The following SFMBT2 variants were observed in gnomAD, a reference collection of about 807,000 sequenced individuals.
The protein encoded by SFMBT2 is scm-like with four MBT domains protein 2.
Under a neutral mutation model 110.1 loss-of-function variants are expected in SFMBT2, and 38 were observed. That is an observed-to-expected ratio of 0.35 (90% CI 0.27 to 0.45). The LOEUF (loss-of-function observed/expected upper bound fraction) is 0.45. Ranked by LOEUF, SFMBT2 falls within the 20% of genes least tolerant of loss-of-function variation. The probability of loss-of-function intolerance (pLI) is 1.00; values close to 1 mark genes in which losing one functional copy is unlikely to be tolerated. For synonymous variants in SFMBT2, 425 were observed against 425.4 expected (o/e 1.00, Z 0.01); for missense variants, 1,011 against 1,094.9 (o/e 0.92, Z 1.08).
At position 7,220,433 on chromosome 10, in the gene SFMBT2, C is replaced by T. The variant is rs1839689567; in HGVS notation, c.1308G>A (p.Arg436=). 9 of 1,613,866 alleles carry T rather than the reference C, an allele frequency of 5.6e-6. No homozygotes were observed. The highest frequency in any genetic ancestry group is 7.6e-6 in the Non-Finnish European group (9 of 1,179,780). The change falls in exon 11 of 21, where the codon CGG becomes CGA. Residue 436 remains arginine (R), a synonymous_variant. Coordinates refer to ENST00000397167, the MANE Select transcript of SFMBT2 (RefSeq NM_001387889.1). ...CVASVVSVKG[R]LMWLHLEGLQ... The stretch of plus-strand genomic sequence containing the variant: ...TACCTTCCAGGTGAAGCCACATTAG[C>T]CGCCCCTTCACACTCACAACGGAGG...
intron 4 of SFMBT2, among the ~76,000 whole-genome samples, chr10:7,288,335 A>T (rs1842162988): frequency 6.6e-6 from 1 of 152,254 alleles, no homozygotes; most frequent in Non-Finnish European, 1.5e-5. Flanking sequence ...CACCCCGCTT[A>T]TAATAAAGAA....
At chr10:7,196,723 C>T (rs1239796341) in intron 15 of SFMBT2, among the ~76,000 whole-genome samples, 2 of 152,178 alleles carry the variant, frequency 1.3e-5, no homozygotes, top group Admixed American at 6.5e-5. Context: ...CATCATGGTA[C>T]GGTGGCAATA....
chr10:7,306,474 T>A (rs1319183888), intron 4 of SFMBT2, among the ~76,000 whole-genome samples: 1 of 152,170 alleles, frequency 6.6e-6, no homozygotes, highest in African/African-American at 2.4e-5. Flanking sequence ...GTGAACTGAG[T>A]AGCGGCAACA....
At chr10:7,363,436 C>T (rs1163949838) in intron 4 of SFMBT2, among the ~76,000 whole-genome samples, 4 of 152,012 alleles carry the variant, frequency 2.6e-5, no homozygotes, top group African/African-American at 9.7e-5. Context: ...GCAACCTTTG[C>T]CTCCTGGGTT....
chr10:7,364,219 A>G (rs1844818923), intron 4 of SFMBT2, among the ~76,000 whole-genome samples: 1 of 152,222 alleles, frequency 6.6e-6, no homozygotes, highest in African/African-American at 2.4e-5. Flanking sequence ...CTGATTACCC[A>G]CTAAATGTTT....
rs983080774 is a variant in SFMBT2 at position 7,172,219 on chromosome 10, C to T, written c.2152-61G>A. The T allele has an allele frequency of 4.9e-5, 73 of 1,503,218 alleles. No individual in the cohort carries two copies. The highest frequency in any genetic ancestry group is 3.9e-4 in the Admixed American group (17 of 43,860). 93.1% of individuals were successfully genotyped at this position (1,503,218 alleles called of 1,614,324 possible). ...GCCCGGGGGCCTGTAGCGGTGGCCCCGCGGTCAGACCCTGGGCCCAGTGCA... is the reference window on the plus strand; with the variant it reads ...GCCCGGGGGCCTGTAGCGGTGGCCCTGCGGTCAGACCCTGGGCCCAGTGCA... On this transcript the variant is annotated intron_variant, in intron 18 of 20. Coordinates refer to ENST00000397167, the MANE Select transcript of SFMBT2 (RefSeq NM_001387889.1). This position sits in a 1 kb window ranked among gnomAD's most constrained non-coding sequence, Gnocchi z 4.6.
intron 2 of SFMBT2, among the ~76,000 whole-genome samples, chr10:7,377,958 T>TG (rs1321986799): frequency 4.2e-5 from 1 of 24,088 alleles, no homozygotes; most frequent in African/African-American, 1.0e-4. Flanking sequence ...CAAAATTTTG[T>TG]GTGGGGGGGG....
At chr10:7,302,960 C>T (rs1842592954) in intron 4 of SFMBT2, among the ~76,000 whole-genome samples, 1 of 151,742 alleles carries the variant, frequency 6.6e-6, no homozygotes, top group African/African-American at 2.4e-5. Flanking sequence ...AAATCAAAAA[C>T]ACTATATCAT....
intron 7 of SFMBT2, among the ~76,000 whole-genome samples, chr10:7,275,955 GC>G (rs1841760495): frequency 6.6e-6 from 1 of 152,242 alleles, no homozygotes; most frequent in African/African-American, 2.4e-5. Context: ...CTGGATGTCT[GC>G]CCGTCACAAC....
In SFMBT2 at chr10:7,318,109, T is replaced by C. The variant is rs549788259; in HGVS notation, c.437-32155A>G. Among the ~76,000 whole-genome samples the C allele has an allele frequency of 1.0e-3, 154 of 152,352 alleles. 1 individual carries two copies. The highest frequency in any genetic ancestry group is 3.6e-3 in the African/African-American group (150 of 41,594). On this transcript the variant is annotated intron_variant, in intron 4 of 20. Transcript: ENST00000397167. ...AAGTGTCCACTGGAGCTGGTACTTG[T>C]AGGTCTGACCATGAAATTCTGGCTA... is the stretch of plus-strand genomic sequence containing the variant.
At chr10:7,288,463 C>T (rs1842166949) in intron 4 of SFMBT2, among the ~76,000 whole-genome samples, 1 of 152,176 alleles carries the variant, frequency 6.6e-6, no homozygotes, top group Non-Finnish European at 1.5e-5. Context: ...ACGCTCAGCA[C>T]GTTGGGAGGC....
Position 7,315,118 on chromosome 10 carries a change from G to GAA in SFMBT2, c.437-29165_437-29164insTT, listed in dbSNP as rs1564435740. 7.5e-4 allele frequency among the ~76,000 whole-genome samples: 105 copies of GAA among 140,702 alleles called. 1 individual carries two copies. The highest frequency in any genetic ancestry group is 2.6e-3 in the African/African-American group (97 of 37,492). The allele number at this position is 140,702 out of a possible 152,430, so 92.3% of individuals were successfully genotyped here. On this transcript the variant is annotated intron_variant, in intron 4 of 20. Transcript: ENST00000397167. ...AAAGAAAGAAAGAAAGAAAAAGCAA[G>GAA]CAAGCAAGCCAGCCAATCCGGCAGC...
Position 7,367,927 on chromosome 10 carries a change from C to T in SFMBT2, c.196-38G>A, listed in dbSNP as rs376486459. ...GAAATAGAGAAAACCCATTACTACACTAGACACAATACATCCAGAAGATGA... is the reference window on the plus strand; with the variant it reads ...GAAATAGAGAAAACCCATTACTACATTAGACACAATACATCCAGAAGATGA... On this transcript the variant is annotated intron_variant, in intron 3 of 20. Transcript: ENST00000397167. This position sits in a 1 kb window ranked among gnomAD's most constrained non-coding sequence, Gnocchi z 6.2. 1 of 1,605,468 alleles carries T rather than the reference C, an allele frequency of 6.2e-7. No individual in the cohort carries two copies. Among genetic ancestry groups the T allele is most frequent in the Non-Finnish European group, 8.5e-7 (1 of 1,174,658 alleles).
intron 11 of SFMBT2, among the ~76,000 whole-genome samples, chr10:7,209,684 A>C (rs986301270): frequency 1.3e-5 from 2 of 152,244 alleles, no homozygotes; most frequent in African/African-American, 4.8e-5. Context: ...ATATATTCAT[A>C]TGTGCATAAA....
Position 7,188,628 on chromosome 10 carries a change from C to A in SFMBT2, c.1804G>T (p.Ala602Ser). 6.2e-7 allele frequency: 1 copy of A among 1,612,562 alleles called. No individual in the cohort carries two copies. The highest frequency in any genetic ancestry group is 1.1e-5 in the South Asian group (1 of 90,824). Residue 602 changes from alanine to serine, a missense_variant, in exon 16 of 21, where the codon GCC (alanine) becomes TCC (serine). Ala to Ser is a moderately conservative substitution (Grantham distance 99). Coordinates refer to ENST00000397167, the MANE Select transcript of SFMBT2 (RefSeq NM_001387889.1). ...HWNFQEETLK[A>S]KYRGKTYRAV... ...TCCAGAATTGAAAACACTTACTTGG[C>A]CTTCAGCGTCTCTTCCTGGAAATTC...
rs766631230 is a variant in SFMBT2 at position 7,186,423 on chromosome 10, T to TACAC, written c.1808+2200_1808+2201insGTGT. On this transcript the variant is annotated intron_variant, in intron 16 of 20. Transcript: ENST00000397167. Reference sequence around the variant, plus strand: ...CATATACACATACATACATACTATATATACACACACACACACACACACACA... The same window carrying TACAC: ...CATATACACATACATACATACTATATACACATACACACACACACACACACACACA... Among the ~76,000 whole-genome samples, 249 of 108,114 alleles carry TACAC rather than the reference T, an allele frequency of 2.3e-3. 3 individuals are homozygous for TACAC. Among genetic ancestry groups the TACAC allele is most frequent in the South Asian group, 8.9e-3 (29 of 3,254 alleles). 70.9% of individuals were successfully genotyped at this position (108,114 alleles called of 152,430 possible). A position where few individuals can be genotyped will look rare whatever the true frequency, so the allele number is the denominator to read the frequency against.
intron 4 of SFMBT2, among the ~76,000 whole-genome samples, chr10:7,329,072 T>G (rs1178392438): frequency 6.6e-6 from 1 of 152,252 alleles, no homozygotes; most frequent in Non-Finnish European, 1.5e-5. Context: ...TGTATGAGCA[T>G]GTGGCTCGTT....
chr10:7,373,979 C>A (rs1171869732), intron 2 of SFMBT2, among the ~76,000 whole-genome samples: 2 of 151,976 alleles, frequency 1.3e-5, no homozygotes, highest in Non-Finnish European at 2.9e-5. Context: ...ACATGCAAAT[C>A]GAGGCTGGGC....
chr10:7,224,659 T>C (rs1839848689), intron 10 of SFMBT2, among the ~76,000 whole-genome samples: 1 of 152,218 alleles, frequency 6.6e-6, no homozygotes, highest in Admixed American at 6.5e-5. Flanking sequence ...GTCCAGACTT[T>C]AGAGCTGCTC....
Sources: gnomAD v4.1 joint callset for allele counts (sites outside exome capture counted in the v4.1 genomes callset) on GRCh38, gnomAD v4.1.1 for gene constraint, Gnocchi (gnomAD v3.1) non-coding constraint, MANE v1.5 for transcripts, NCBI Gene and HGNC (gene_info 2026-07-23, HGNC 2026-07-21) for gene names.